Variants in ZFPM2 observed in about 807,000 individuals in gnomAD.
ZFPM2 encodes zinc finger protein ZFPM2.
ZFPM2 carries 20 observed loss-of-function variants against 98.6 expected under a neutral mutation model. The ratio of observed to expected loss-of-function variants is 0.20; its 90% CI spans 0.14 to 0.29. ZFPM2 has a LOEUF of 0.29. Among genes scored for constraint, ZFPM2 ranks in the 10% least tolerant of loss-of-function variants. The pLI is 1.00. For missense variants in ZFPM2, 1,310 were observed against 1,388.6 expected, an observed-to-expected ratio of 0.94 and a Z score of 0.90; for synonymous variants, 518 against 502.7, an observed-to-expected ratio of 1.03 and a Z score of -0.41.
At chr8:105,499,052 C>T (rs755102739) in intron 3 of ZFPM2, among the ~76,000 whole-genome samples, 10 of 152,080 alleles carry the variant, frequency 6.6e-5, no homozygotes, top group Non-Finnish European at 1.2e-4. Flanking sequence ...CTCCAGGAAA[C>T]ATTTAAAATA....
intron 3 of ZFPM2, among the ~76,000 whole-genome samples, chr8:105,489,667 T>G (rs1384424505): frequency 6.6e-6 from 1 of 151,364 alleles, no homozygotes. Context: ...TTTCACCATG[T>G]TGGCCAGGCT....
intron 5 of ZFPM2, among the ~76,000 whole-genome samples, chr8:105,719,352 TAC>T (rs540694397): frequency 1.3e-5 from 2 of 151,546 alleles, no homozygotes; most frequent in Non-Finnish European, 2.9e-5. Flanking sequence ...ACACACGCAA[TAC>T]ACACACACAC....
intron 3 of ZFPM2, among the ~76,000 whole-genome samples, chr8:105,514,874 C>A (rs1188643384): frequency 6.6e-6 from 1 of 152,144 alleles, no homozygotes; most frequent in Non-Finnish European, 1.5e-5. Context: ...TAATATCGAG[C>A]CTGCACATAG....
intron 3 of ZFPM2, among the ~76,000 whole-genome samples, chr8:105,544,977 G>A (rs1157454745): frequency 6.6e-6 from 1 of 152,096 alleles, no homozygotes; most frequent in Non-Finnish European, 1.5e-5. Context: ...AGTCAAAAGG[G>A]TGGATTAATA....
chr8:105,542,265 T>C (rs1310059186), intron 3 of ZFPM2, among the ~76,000 whole-genome samples: 3 of 152,140 alleles, frequency 2.0e-5, no homozygotes, highest in Non-Finnish European at 4.4e-5. Context: ...GATTAGATAA[T>C]TAGATATTCA....
intron 5 of ZFPM2, among the ~76,000 whole-genome samples, chr8:105,742,393 A>T (rs922122236): frequency 6.6e-6 from 1 of 151,382 alleles, no homozygotes; most frequent in African/African-American, 2.4e-5. Context: ...AAAAAAAAAA[A>T]AAAAAAGGTG....
intron 1 of ZFPM2, among the ~76,000 whole-genome samples, chr8:105,407,658 A>T (rs1402173188): frequency 1.3e-5 from 2 of 151,896 alleles, no homozygotes; most frequent in Non-Finnish European, 2.9e-5. Flanking sequence ...TTTCAGTTCA[A>T]GTAAGAGAGG....
At chr8:105,508,266 G>A (rs749074141) in intron 3 of ZFPM2, among the ~76,000 whole-genome samples, 35 of 152,198 alleles carry the variant, frequency 2.3e-4, no homozygotes, top group Non-Finnish European at 2.2e-4. Flanking sequence ...TTTCCTGGCC[G>A]TGTCACTAAT....
At chr8:105,687,134 C>G (rs904721207) in intron 5 of ZFPM2, among the ~76,000 whole-genome samples, 2 of 152,106 alleles carry the variant, frequency 1.3e-5, no homozygotes, top group Non-Finnish European at 2.9e-5. Flanking sequence ...AGATGGTGCT[C>G]AACATGACTG....
intron 2 of ZFPM2, among the ~76,000 whole-genome samples, chr8:105,441,436 G>GAA (rs1166458927): frequency 5.8e-5 from 4 of 69,064 alleles, no homozygotes; most frequent in African/African-American, 1.1e-4. Context: ...AAGAAAGAAA[G>GAA]AGAGAGAGAG....
At chr8:105,411,176 T>C (rs181825498) in intron 1 of ZFPM2, among the ~76,000 whole-genome samples, 1 of 152,028 alleles carries the variant, frequency 6.6e-6, no homozygotes, top group East Asian at 1.9e-4. Context: ...TTTTGGTAAA[T>C]ATTAAGTGCC....
chr8:105,428,606 A>T (rs1811959218), intron 2 of ZFPM2, among the ~76,000 whole-genome samples: 1 of 152,216 alleles, frequency 6.6e-6, no homozygotes, highest in Non-Finnish European at 1.5e-5. Flanking sequence ...AATGGCAGGA[A>T]TGTTTACAAA....
At chr8:105,544,320 T>A (rs1195582893) in intron 3 of ZFPM2, among the ~76,000 whole-genome samples, 1 of 152,222 alleles carries the variant, frequency 6.6e-6, no homozygotes, top group African/African-American at 2.4e-5. Flanking sequence ...CTACATGAGG[T>A]CAGGTGCGCA....
intron 4 of ZFPM2, among the ~76,000 whole-genome samples, chr8:105,566,042 C>CT (rs1815237193): frequency 2.6e-5 from 4 of 152,154 alleles, no homozygotes; most frequent in Non-Finnish European, 5.9e-5. Flanking sequence ...ATTTCCTCGT[C>CT]TGCAGGGAGG....
intron 3 of ZFPM2, among the ~76,000 whole-genome samples, chr8:105,476,947 G>T (rs1813023963): frequency 6.6e-6 from 1 of 152,098 alleles, no homozygotes; most frequent in Non-Finnish European, 1.5e-5. Flanking sequence ...CCAAAAGTCA[G>T]TCAGGAGATA....
chr8:105,592,971 G>T (rs925677744), intron 4 of ZFPM2, among the ~76,000 whole-genome samples: 3 of 152,128 alleles, frequency 2.0e-5, no homozygotes, highest in Non-Finnish European at 4.4e-5. Context: ...GAATTAGTGT[G>T]CAAGTTTGCA....
chr8:105,319,646 C>G (rs545193658), intron 1 of ZFPM2: 1 of 152,522 alleles, frequency 6.6e-6, no homozygotes, highest in African/African-American at 2.4e-5. Context: ...GGGTCCGGCT[C>G]ACGCCGCCAG....
At chr8:105,512,874 G>A (rs1754641653) in intron 3 of ZFPM2, among the ~76,000 whole-genome samples, 1 of 151,832 alleles carries the variant, frequency 6.6e-6, no homozygotes, top group South Asian at 2.1e-4. Context: ...AGAAATACAT[G>A]TATGTATATG....
At chr8:105,528,729 T>C (rs1814228642) in intron 3 of ZFPM2, among the ~76,000 whole-genome samples, 1 of 152,066 alleles carries the variant, frequency 6.6e-6, no homozygotes, top group African/African-American at 2.4e-5. Context: ...ATACTATATT[T>C]TATGGCGCCA....
Sources: gnomAD v4.1 joint callset for allele counts (sites outside exome capture counted in the v4.1 genomes callset) on GRCh38, gnomAD v4.1.1 for gene constraint, MANE v1.5 for transcripts, NCBI Gene and HGNC (gene_info 2026-07-23, HGNC 2026-07-21) for gene names.